ABCG8: variants seen among roughly 807,000 people sequenced by gnomAD.
ABCG8 encodes ATP-binding cassette sub-family G member 8.
In ABCG8, 81 loss-of-function variants were observed where a neutral mutation model predicts 71.3. The ratio of observed to expected loss-of-function variants is 1.14; its 90% CI spans 0.95 to 1.37. The LOEUF is 1.37. Among genes scored for constraint, ABCG8 ranks in the 40% most tolerant of loss-of-function variants. The probability of loss-of-function intolerance (pLI) is 0.00; values close to 1 mark genes in which losing one functional copy is unlikely to be tolerated. For missense variants in ABCG8, 1,119 were observed against 866.2 expected (o/e 1.29, Z -3.66); for synonymous variants, 451 against 354.7 (o/e 1.27, Z -3.05).
intron 6 of ABCG8, among the ~76,000 whole-genome samples, chr2:43,854,436 T>C (rs536745226): frequency 3.9e-5 from 6 of 152,102 alleles, no homozygotes; most frequent in African/African-American, 1.4e-4. Flanking sequence ...GAGACCAGCC[T>C]GGCCAACATG....
rs563971715 is a variant in ABCG8, at chr2:43,875,999, C to T, written c.1756+586C>T. ...CATGCCCGCCTTCCATGGGGCATCTCTTCTGCCAGGGCTTTCCTGATGCAC... is the reference window on the plus strand; with the variant it reads ...CATGCCCGCCTTCCATGGGGCATCTTTTCTGCCAGGGCTTTCCTGATGCAC... On this transcript the variant is annotated intron_variant, in intron 11 of 12. Coordinates refer to ENST00000272286, the MANE Select transcript of ABCG8 (RefSeq NM_022437.3). Among the ~76,000 whole-genome samples, 5 of 152,332 alleles carry T rather than the reference C, an allele frequency of 3.3e-5. No individual in the cohort carries two copies. The South Asian group carries it at 6.2e-4, about 19-fold the overall frequency.
intron 6 of ABCG8, among the ~76,000 whole-genome samples, chr2:43,857,462 T>C (rs1669153272): frequency 6.6e-6 from 1 of 151,648 alleles, no homozygotes; most frequent in African/African-American, 2.4e-5. Flanking sequence ...TCACTCTATA[T>C]AGAACTCTCA....
In ABCG8 at chr2:43,852,353, G is replaced by C. The variant is rs1317214046; in HGVS notation, c.562-1G>C. On this transcript the variant is annotated splice_acceptor_variant, in intron 4 of 12. Coordinates refer to ENST00000272286, the MANE Select transcript of ABCG8 (RefSeq NM_022437.3). LOFTEE classifies it high-confidence loss of function. ...GCCTCAAAGCTCCTTCTGGCCCACA[G>C]GTGGAGGACGTGATCGCGGAGCTGC... The C allele has an allele frequency of 1.6e-5, 26 of 1,612,200 alleles. No individual in the cohort carries two copies. The highest frequency in any genetic ancestry group is 2.1e-5 in the Non-Finnish European group (25 of 1,180,002).
rs572138973 is a variant in ABCG8 at position 43,852,437 on chromosome 2, G to C, written c.645G>C (p.Gly215=). The C allele has an allele frequency of 6.2e-7, 1 of 1,612,866 alleles. No individual in the cohort carries two copies. The highest frequency in any genetic ancestry group is 8.5e-7 in the Non-Finnish European group (1 of 1,180,018). The part of the protein sequence containing the change: ...VGNMYVRGLS[G]GERRRVSIGV... ...ACATGTACGTGCGGGGGTTGTCGGG[G>C]GGTGAGCGCAGGAGAGTCAGCATTG... The change falls in exon 5 of 13, where the codon GGG becomes GGC. Residue 215 remains glycine (G), a synonymous_variant. Coordinates refer to ENST00000272286, the MANE Select transcript of ABCG8 (RefSeq NM_022437.3).
At chr2:43,872,458 A>G in intron 8 of ABCG8, 152 bp downstream of exon 8, 1 of 921,326 alleles carries the variant, frequency 1.1e-6, no homozygotes, top group Non-Finnish European at 1.7e-6. Flanking sequence ...TTGGTGGCTT[A>G]TGCCTGTAAT....
At chr2:43,851,503 G>C in intron 3 of ABCG8, 81 bp from the exon 4 acceptor site, 3 of 1,496,748 alleles carry the variant, frequency 2.0e-6, no homozygotes, top group Non-Finnish European at 1.9e-6. Context: ...CGGGGTCCTG[G>C]AGAGTGTATG....
intron 6 of ABCG8, among the ~76,000 whole-genome samples, chr2:43,854,864 G>C (rs1025482626): frequency 3.9e-5 from 6 of 152,154 alleles, no homozygotes; most frequent in Non-Finnish European, 8.8e-5. Context: ...GACAGCTGTG[G>C]TGTGGGGTTG....
chr2:43,853,157 A>C (rs191057022), intron 6 of ABCG8, among the ~76,000 whole-genome samples: 2 of 152,330 alleles, frequency 1.3e-5, no homozygotes, highest in East Asian at 3.9e-4. Flanking sequence ...GTGGGGATCA[A>C]TAAATATCAG....
intron 1 of ABCG8, among the ~76,000 whole-genome samples, chr2:43,843,942 G>A (rs1421265207): frequency 4.6e-5 from 7 of 152,136 alleles, no homozygotes; most frequent in African/African-American, 9.7e-5. Context: ...AATCAGATAT[G>A]AGGAGAAGTA....
chr2:43,875,554 C>G (rs1669934758), intron 11 of ABCG8, 141 bp downstream of exon 11: 1 of 1,100,310 alleles, frequency 9.1e-7, no homozygotes, highest in Non-Finnish European at 1.3e-6. Context: ...CCTTTGCCCA[C>G]TGCCCTGGAG....
chr2:43,879,625 C>G lies in ABCG8; in HGVS notation c.*1712C>G, dbSNP rs1235938138. ...TGACTGGGAGTTCCTATCATGTCCT[C>G]CATAGCAAGGGGATCTAGACCAGAA... is the stretch of plus-strand genomic sequence containing the variant. On this transcript the variant is annotated 3_prime_UTR_variant, in exon 13 of 13. Coordinates refer to ENST00000272286, the MANE Select transcript of ABCG8 (RefSeq NM_022437.3). 6.6e-6 allele frequency: 1 copy of G among 152,238 alleles called. No homozygotes were observed. Among genetic ancestry groups the G allele is most frequent in the Non-Finnish European group, 1.5e-5 (1 of 68,052 alleles). The allele number at this position is 152,238 out of a possible 1,614,324, so 9.4% of individuals were successfully genotyped here. A position where few individuals can be genotyped will look rare whatever the true frequency, so the allele number is the denominator to read the frequency against.
At chr2:43,847,829 C>A (rs917991563) in intron 3 of ABCG8, 2 of 150,396 alleles carry the variant, frequency 1.3e-5, no homozygotes, top group African/African-American at 4.9e-5. Context: ...GGTGTGATCT[C>A]GGCTCACTGC....
chr2:43,862,398 C>T (rs1669356895), intron 6 of ABCG8, among the ~76,000 whole-genome samples: 4 of 151,268 alleles, frequency 2.6e-5, no homozygotes, highest in African/African-American at 7.2e-5. Flanking sequence ...ATAGAACTCT[C>T]ACTATCTATA....
chr2:43,852,136 C>G (rs979422498), intron 4 of ABCG8, among the ~76,000 whole-genome samples: 1 of 152,254 alleles, frequency 6.6e-6, no homozygotes, highest in Non-Finnish European at 1.5e-5. Flanking sequence ...TGCCACGTTC[C>G]TAACACAGGG....
intron 10 of ABCG8, 53 bp downstream of exon 10, chr2:43,874,536 AGT>A (rs1461209191): frequency 2.1e-6 from 3 of 1,449,444 alleles, no homozygotes; most frequent in East Asian, 4.5e-5. Context: ...GGTGGGGGTA[AGT>A]GTGGAGAAAA....
chr2:43,867,596 T>C (rs1263836341), intron 6 of ABCG8, among the ~76,000 whole-genome samples: 1 of 151,930 alleles, frequency 6.6e-6, no homozygotes, highest in Non-Finnish European at 1.5e-5. Flanking sequence ...GAGCTCTCAC[T>C]GTCTGGATAG....
At chr2:43,846,582 A>G in intron 3 of ABCG8, 1 of 461,590 alleles carries the variant, frequency 2.2e-6, no homozygotes, top group Non-Finnish European at 4.0e-6. Flanking sequence ...TTTGGCTAAC[A>G]CCTGGACGGA....
chr2:43,859,163 C>T (rs1223071234), intron 6 of ABCG8, among the ~76,000 whole-genome samples: 1 of 150,836 alleles, frequency 6.6e-6, no homozygotes, highest in African/African-American at 2.4e-5. Context: ...AATTCTCACT[C>T]TGTGGATAGA....
intron 6 of ABCG8, among the ~76,000 whole-genome samples, chr2:43,866,717 G>A (rs1182732847): frequency 6.6e-6 from 1 of 151,718 alleles, no homozygotes; most frequent in African/African-American, 2.4e-5. Context: ...AGAGGATGTG[G>A]AGAAATAGGA....
Sources: gnomAD v4.1 joint callset for allele counts (sites outside exome capture counted in the v4.1 genomes callset) on GRCh38, gnomAD v4.1.1 for gene constraint, MANE v1.5 for transcripts, NCBI Gene and HGNC (gene_info 2026-07-23, HGNC 2026-07-21) for gene names.